Variants in DPP6 observed in about 807,000 individuals in gnomAD.
DPP6 encodes A-type potassium channel modulatory protein DPP6.
DPP6 carries 69 observed loss-of-function variants against 122.6 expected under a neutral mutation model. That is an observed-to-expected ratio of 0.56 (90% confidence interval 0.46 to 0.69). The LOEUF is 0.69. DPP6 is among the 30% of genes least tolerant of loss of function. The probability of loss-of-function intolerance (pLI) is 0.00; values close to 1 mark genes in which losing one functional copy is unlikely to be tolerated. For synonymous variants in DPP6, 418 were observed against 433.1 expected (o/e 0.97, Z 0.43); for missense variants, 928 against 1,116.9 (o/e 0.83, Z 2.41).
intron 23 of DPP6, among the ~76,000 whole-genome samples, chr7:154,889,068 G>T (rs1050970326): frequency 2.6e-5 from 4 of 152,164 alleles, no homozygotes; most frequent in Non-Finnish European, 1.5e-5. Flanking sequence ...GATGAGATTT[G>T]GGTGGGGACA....
intron 16 of DPP6, among the ~76,000 whole-genome samples, chr7:154,820,698 G>C (rs1799703791): frequency 6.6e-6 from 1 of 152,160 alleles, no homozygotes; most frequent in African/African-American, 2.4e-5. Context: ...ATGAAAAATA[G>C]ATCCAACGAA....
chr7:154,320,252 T>A (rs1381297230), intron 1 of DPP6, among the ~76,000 whole-genome samples: 1 of 152,116 alleles, frequency 6.6e-6, no homozygotes, highest in African/African-American at 2.4e-5. Flanking sequence ...ACACTGACGG[T>A]GCCTCTCACT....
rs1262993054 is a variant in DPP6 at position 154,792,631 on chromosome 7, T to C, written c.1137-1448T>C. 4.6e-5 allele frequency among the ~76,000 whole-genome samples: 7 copies of C among 152,182 alleles called. No homozygotes were observed. The East Asian group carries it at 1.3e-3, about 29-fold the overall frequency. ...AGCAGGGGGGAGGGCATGGTCCCTGTGGACATGCAAGCCAGGTTCTGGGGC... is the reference window on the plus strand; with the variant it reads ...AGCAGGGGGGAGGGCATGGTCCCTGCGGACATGCAAGCCAGGTTCTGGGGC... On this transcript the variant is annotated intron_variant, in intron 10 of 25. Coordinates refer to ENST00000377770, the MANE Select transcript of DPP6 (RefSeq NM_130797.4).
intron 16 of DPP6, among the ~76,000 whole-genome samples, chr7:154,846,324 G>GC (rs902691232): frequency 7.9e-5 from 12 of 152,052 alleles, no homozygotes; most frequent in African/African-American, 2.9e-4. Context: ...ATTTCTGCAA[G>GC]CCCCCCTTGC....
At chr7:153,790,967 G>C in the DPP6 span, among the ~76,000 whole-genome samples, 2 of 152,148 alleles carry the variant, frequency 1.3e-5, no homozygotes, top group Admixed American at 6.5e-5. Context: ...GACCCGAGGA[G>C]ATAAAGAAAG....
chr7:154,211,822 T>G (rs1321725265), intron 1 of DPP6, among the ~76,000 whole-genome samples: 1 of 152,192 alleles, frequency 6.6e-6, no homozygotes, highest in African/African-American at 2.4e-5. Context: ...ACCCCAGGCT[T>G]CCACCTGCCC....
intron 8 of DPP6, among the ~76,000 whole-genome samples, chr7:154,748,037 T>C (rs1479233175): frequency 6.6e-6 from 1 of 152,112 alleles, no homozygotes; most frequent in Non-Finnish European, 1.5e-5. Context: ...ATCAGTTTGG[T>C]TTGCTTACGT....
rs140556560 is a variant in DPP6 at position 154,259,391 on chromosome 7, G to T, written c.244-186823G>T. On this transcript the variant is annotated intron_variant, in intron 1 of 25. Coordinates refer to ENST00000377770, the MANE Select transcript of DPP6 (RefSeq NM_130797.4). ...TGGACAAATAGGAAATACTGGATTCGTAAGTGCCAAACTAATATGCAGGTG... is the reference window on the plus strand; with the variant it reads ...TGGACAAATAGGAAATACTGGATTCTTAAGTGCCAAACTAATATGCAGGTG... Among the ~76,000 whole-genome samples, 298 of 152,324 alleles carry T rather than the reference G, an allele frequency of 2.0e-3. 2 individuals are homozygous for T. Among genetic ancestry groups the T allele is most frequent in the Middle Eastern group, 0.017 (5 of 294 alleles).
intron 1 of DPP6, among the ~76,000 whole-genome samples, chr7:154,307,463 C>T (rs1194295146): frequency 6.6e-6 from 1 of 152,058 alleles, no homozygotes; most frequent in Admixed American, 6.5e-5. Flanking sequence ...GGTGTCACCT[C>T]AACCCTAAAA....
chr7:154,157,180 T>A (rs1412652579), intron 1 of DPP6, among the ~76,000 whole-genome samples: 1 of 152,292 alleles, frequency 6.6e-6, no homozygotes, highest in Non-Finnish European at 1.5e-5. Context: ...TGTTTTTGTA[T>A]CTCACATATG....
At position 154,289,719 on chromosome 7, in the gene DPP6, A is replaced by G. The variant is rs76398789; in HGVS notation, c.244-156495A>G. 4.7e-3 allele frequency among the ~76,000 whole-genome samples: 712 copies of G among 152,268 alleles called. 8 individuals carry two copies. Among genetic ancestry groups the G allele is most frequent in the East Asian group, 0.044 (225 of 5,170 alleles). On this transcript the variant is annotated intron_variant, in intron 1 of 25. Coordinates refer to ENST00000377770, the MANE Select transcript of DPP6 (RefSeq NM_130797.4). Reference sequence around the variant, plus strand: ...TAGGCAGGACCACCTTCTCTGCACAACTTCAGAGAGCATAACTTAATTTTT... The same window carrying G: ...TAGGCAGGACCACCTTCTCTGCACAGCTTCAGAGAGCATAACTTAATTTTT...
chr7:154,816,798 G>T (rs1799451492), intron 16 of DPP6, among the ~76,000 whole-genome samples: 1 of 152,186 alleles, frequency 6.6e-6, no homozygotes, highest in Non-Finnish European at 1.5e-5. Flanking sequence ...AGCAGGCTTA[G>T]GTTGGAACCC....
At chr7:154,212,040 C>T (rs1799770246) in intron 1 of DPP6, among the ~76,000 whole-genome samples, 1 of 152,164 alleles carries the variant, frequency 6.6e-6, no homozygotes, top group African/African-American at 2.4e-5. Context: ...AGGTATTCTT[C>T]ACTTTATACA....
chr7:154,720,196 A>G (rs1395499621), intron 7 of DPP6, among the ~76,000 whole-genome samples: 1 of 152,146 alleles, frequency 6.6e-6, no homozygotes, highest in Non-Finnish European at 1.5e-5. Flanking sequence ...AGAAGAGTGA[A>G]TCGATGGACT....
chr7:154,597,583 A>G (rs1833172934), intron 5 of DPP6, among the ~76,000 whole-genome samples: 1 of 150,744 alleles, frequency 6.6e-6, no homozygotes. Flanking sequence ...ACTGCACTCC[A>G]GCCCGGGAGA....
chr7:154,838,687 C>T (rs542349589), intron 16 of DPP6: 1 of 152,336 alleles, frequency 6.6e-6, no homozygotes, highest in African/African-American at 2.4e-5. Flanking sequence ...CGTGCAAGAC[C>T]GGATAACGGG....
intron 1 of DPP6, among the ~76,000 whole-genome samples, chr7:154,083,852 C>T (rs944531704): frequency 3.3e-5 from 5 of 150,664 alleles, no homozygotes; most frequent in East Asian, 1.9e-4. Flanking sequence ...TTTCCATGTT[C>T]TTCCTGAATC....
At chr7:153,950,325 G>T (rs906586980) in intron 1 of DPP6, among the ~76,000 whole-genome samples, 2 of 152,106 alleles carry the variant, frequency 1.3e-5, no homozygotes, top group Non-Finnish European at 2.9e-5. Flanking sequence ...CAAGAGAGCC[G>T]CTGAAACTTC....
At chr7:154,772,670 C>T (rs747113266) in intron 9 of DPP6, among the ~76,000 whole-genome samples, 175 bp from the exon 10 acceptor site, 1 of 152,172 alleles carries the variant, frequency 6.6e-6, no homozygotes, top group Non-Finnish European at 1.5e-5. Flanking sequence ...GCCCTTTGTC[C>T]TTTTGAAACC....
Sources: gnomAD v4.1 joint callset for allele counts (sites outside exome capture counted in the v4.1 genomes callset) on GRCh38, gnomAD v4.1.1 for gene constraint, MANE v1.5 for transcripts, NCBI Gene and HGNC (gene_info 2026-07-23, HGNC 2026-07-21) for gene names.